The following WWOX variants were observed in gnomAD, a reference collection of about 807,000 sequenced individuals.
WWOX encodes the protein WW domain-containing oxidoreductase.
WWOX carries 69 observed loss-of-function variants against 46.2 expected under a neutral mutation model. The observed-to-expected ratio is 1.49, with a 90% CI of 1.23 to 1.82. The LOEUF (loss-of-function observed/expected upper bound fraction) is 1.82, where lower values mean the gene tolerates loss of function less well. Among genes scored for constraint, WWOX ranks in the 40% most tolerant of loss-of-function variants. The pLI, the probability that WWOX is intolerant of heterozygous loss-of-function variation, is 0.00. For synonymous variants in WWOX, 359 were observed against 202.6 expected (o/e 1.77, Z -6.56); for missense variants, 919 against 542.6 (o/e 1.69, Z -6.89).
intron 8 of WWOX, among the ~76,000 whole-genome samples, chr16:78,614,454 G>A (rs1470716002): frequency 1.3e-5 from 2 of 152,218 alleles, no homozygotes; most frequent in Admixed American, 6.5e-5. Flanking sequence ...TCTGGCTGGG[G>A]TGAGGGCGGC....
chr16:78,632,840 G>A (rs2046467947), intron 8 of WWOX, among the ~76,000 whole-genome samples: 1 of 152,018 alleles, frequency 6.6e-6, no homozygotes, highest in African/African-American at 2.4e-5. Flanking sequence ...TTGCAGCTGT[G>A]AGCCACTGCG....
intron 8 of WWOX, among the ~76,000 whole-genome samples, chr16:78,691,076 A>G (rs182554225): frequency 6.6e-6 from 1 of 152,346 alleles, no homozygotes; most frequent in Admixed American, 6.5e-5. Context: ...AAATGTATTA[A>G]TGACTTCTTT....
intron 5 of WWOX, among the ~76,000 whole-genome samples, chr16:78,358,212 T>C (rs186205735): frequency 1.3e-5 from 2 of 152,212 alleles, no homozygotes. Context: ...ACCTCTTGTA[T>C]TTACAAAAAA....
chr16:78,962,996 A>G (rs1243222823), intron 8 of WWOX, among the ~76,000 whole-genome samples: 1 of 152,200 alleles, frequency 6.6e-6, no homozygotes, highest in Non-Finnish European at 1.5e-5. Context: ...TGCCACTGCC[A>G]TCCTACCAAC....
intron 8 of WWOX, among the ~76,000 whole-genome samples, chr16:78,880,471 TA>T (rs2044320516): frequency 6.6e-6 from 1 of 152,186 alleles, no homozygotes; most frequent in Non-Finnish European, 1.5e-5. Flanking sequence ...CTTCTCTGTT[TA>T]AATAGTCTAC....
At chr16:78,945,484 T>C (rs923625625) in intron 8 of WWOX, among the ~76,000 whole-genome samples, 1 of 152,200 alleles carries the variant, frequency 6.6e-6, no homozygotes, top group Non-Finnish European at 1.5e-5. Context: ...TTGGGGTTTG[T>C]TTTGTTTTGA....
intron 5 of WWOX, among the ~76,000 whole-genome samples, chr16:78,232,990 C>T (rs900750814): frequency 2.2e-4 from 34 of 152,110 alleles, no homozygotes; most frequent in Non-Finnish European, 4.3e-4. Flanking sequence ...TACAGGCGTG[C>T]GCCACCATGC....
chr16:78,922,918 G>A (rs928810646), intron 8 of WWOX, among the ~76,000 whole-genome samples: 2 of 151,570 alleles, frequency 1.3e-5, no homozygotes, highest in African/African-American at 4.9e-5. Flanking sequence ...ATTTTTATTT[G>A]CCTAGAAATC....
intron 8 of WWOX, among the ~76,000 whole-genome samples, chr16:78,983,460 T>C (rs972006469): frequency 1.3e-5 from 2 of 152,206 alleles, no homozygotes; most frequent in African/African-American, 4.8e-5. Flanking sequence ...GTGTTATGTG[T>C]GCCTTTTCTA....
At chr16:78,801,401 CAGG>C (rs2050884864) in intron 8 of WWOX, among the ~76,000 whole-genome samples, 2 of 152,176 alleles carry the variant, frequency 1.3e-5, no homozygotes, top group South Asian at 4.2e-4. Context: ...CCCAGCTACT[CAGG>C]AGGCTGAGGC....
chr16:78,301,009 C>A (rs1002176854), intron 5 of WWOX, among the ~76,000 whole-genome samples: 1 of 152,046 alleles, frequency 6.6e-6, no homozygotes, highest in Admixed American at 6.6e-5. Context: ...TCCATCCATC[C>A]ATCCATCCAT....
chr16:79,082,346 A>C (rs1298583679), intron 8 of WWOX, among the ~76,000 whole-genome samples: 1 of 152,128 alleles, frequency 6.6e-6, no homozygotes, highest in African/African-American at 2.4e-5. Context: ...CAGAGCATCC[A>C]TCTCCTTTGT....
chr16:78,777,603 C>T (rs1394103383), intron 8 of WWOX, among the ~76,000 whole-genome samples: 3 of 152,078 alleles, frequency 2.0e-5, no homozygotes, highest in African/African-American at 7.2e-5. Context: ...GAGACATGTA[C>T]AGGGTGCTGA....
chr16:78,950,517 A>AACACACAC (rs748466625), intron 8 of WWOX, among the ~76,000 whole-genome samples: 2 of 105,152 alleles, frequency 1.9e-5, no homozygotes, highest in African/African-American at 6.9e-5. Flanking sequence ...CTATTAAAGG[A>AACACACAC]ACACACACAC....
intron 8 of WWOX, among the ~76,000 whole-genome samples, chr16:78,540,995 T>G (rs1020559644): frequency 6.6e-6 from 1 of 152,068 alleles, no homozygotes; most frequent in Admixed American, 6.6e-5. Flanking sequence ...TCCCCCACTA[T>G]TAATAAGGTC....
intron 8 of WWOX, among the ~76,000 whole-genome samples, chr16:78,919,658 C>G (rs1009203932): frequency 6.6e-6 from 1 of 151,820 alleles, no homozygotes; most frequent in Non-Finnish European, 1.5e-5. Flanking sequence ...GCTGGGATTA[C>G]AGGCACACAC....
intron 6 of WWOX, among the ~76,000 whole-genome samples, chr16:78,399,059 G>A (rs2082353718): frequency 6.8e-6 from 1 of 148,018 alleles, no homozygotes; most frequent in South Asian, 2.1e-4. Context: ...GTATAAGGAA[G>A]GGGATAGGTG....
At chr16:78,576,932 A>C (rs538450448) in intron 8 of WWOX, among the ~76,000 whole-genome samples, 144 of 152,310 alleles carry the variant, frequency 9.5e-4, no homozygotes, top group Non-Finnish European at 1.2e-3. Context: ...TCACTTTTAT[A>C]TATCTTGACC....
intron 5 of WWOX, among the ~76,000 whole-genome samples, chr16:78,210,635 C>T (rs922369569): frequency 1.1e-4 from 16 of 152,166 alleles, no homozygotes; most frequent in Admixed American, 1.0e-3. Context: ...CCTAAGGAGC[C>T]ACTTTGGGGC....
Sources: allele counts gnomAD v4.1 joint callset (sites outside exome capture counted in the v4.1 genomes callset), GRCh38; gene constraint gnomAD v4.1.1; transcripts MANE v1.5; gene names NCBI Gene and HGNC (gene_info 2026-07-23, HGNC 2026-07-21).